WFS1: variants seen among roughly 807,000 people sequenced by gnomAD.
The protein encoded by WFS1 is wolframin.
Under a neutral mutation model 68.5 loss-of-function variants are expected in WFS1, and 90 were observed. The observed-to-expected ratio is 1.31, with a 90% confidence interval of 1.11 to 1.56. The LOEUF (loss-of-function observed/expected upper bound fraction) is 1.56. Ranked by LOEUF, WFS1 falls within the 40% of genes most tolerant of loss-of-function variation. The pLI is 0.00. For missense variants in WFS1, 1,767 were observed against 1,232.6 expected (o/e 1.43, Z -6.49); for synonymous variants, 860 against 540.7 (o/e 1.59, Z -8.19).
chr4:6,301,261 T>A lies in WFS1; in HGVS notation c.1466T>A (p.Ile489Asn), dbSNP rs762510009. 1 of 1,611,328 alleles carries A rather than the reference T, an allele frequency of 6.2e-7. No homozygotes were observed. Among genetic ancestry groups the A allele is most frequent in the Non-Finnish European group, 8.5e-7 (1 of 1,180,008 alleles). Residue 489 changes from isoleucine to asparagine, a missense_variant, in exon 8 of 8, where the codon ATC becomes AAC. Physicochemically the swap from Ile to Asn is moderately radical, Grantham distance 149. Transcript: ENST00000226760. Reference sequence around the variant, plus strand: ...CTGAAGGTCCTTGGCCAGACCTTCATCACCGTGCCTGTCGGCCACCTGGTC... The same window carrying A: ...CTGAAGGTCCTTGGCCAGACCTTCAACACCGTGCCTGTCGGCCACCTGGTC... ...PYLKVLGQTF[I>N]TVPVGHLVVL... is the part of the protein sequence containing the mutation.
Position 6,302,028 on chromosome 4 carries a change from G to A in WFS1, c.2233G>A (p.Gly745Ser), listed in dbSNP as rs139185707. 1.3e-4 allele frequency: 216 copies of A among 1,612,790 alleles called. 1 individual carries two copies. The African/African-American group carries it at 2.6e-3, about 19-fold the overall frequency. Residue 745 changes from glycine to serine, a missense_variant, in exon 8 of 8, where the codon GGC (glycine) becomes AGC (serine). By Grantham distance (56) the Gly-to-Ser change is moderately conservative. Transcript: ENST00000226760. ...CGAGGCCTACCCTGCCTGCAGCCCT[G>A]GCAACACCTCCACGGCCGAGGAGGA... Reference protein sequence around the residue: ...YGEAYPACSPGNTSTAEEELC... With the variant: ...YGEAYPACSPSNTSTAEEELC...
Position 6,302,370 on chromosome 4 carries a change from C to T in WFS1, c.2575C>T (p.Arg859Trp), listed in dbSNP as rs372298367. 37 of 1,612,998 alleles carry T rather than the reference C, an allele frequency of 2.3e-5. No homozygotes were observed. Among genetic ancestry groups the T allele is most frequent in the South Asian group, 1.2e-4 (11 of 91,090 alleles). Residue 859 changes from arginine (R) to tryptophan (W), a missense_variant, in exon 8 of 8, where the codon CGG becomes TGG. Transcript: ENST00000226760. Reference sequence around the variant, plus strand: ...CATGGCCCAGCTCTCACCCACCAGGCGGCACGTGAAGATCGAGCACGACTG... The same window carrying T: ...CATGGCCCAGCTCTCACCCACCAGGTGGCACGTGAAGATCGAGCACGACTG... ...NCMAQLSPTR[R>W]HVKIEHDWRS...
intron 7 of WFS1, among the ~76,000 whole-genome samples, chr4:6,296,363 G>C (rs997449567): frequency 3.3e-5 from 5 of 152,248 alleles, no homozygotes; most frequent in Non-Finnish European, 7.3e-5. Context: ...GTCCTTTAGG[G>C]TGGCAGGTGG....
At chr4:6,276,565 C>T (rs1729999975) in intron 1 of WFS1, among the ~76,000 whole-genome samples, 1 of 152,168 alleles carries the variant, frequency 6.6e-6, no homozygotes, top group Non-Finnish European at 1.5e-5. Context: ...AGCGGCAGAT[C>T]TGGGTATGAA....
intron 2 of WFS1, among the ~76,000 whole-genome samples, chr4:6,278,701 C>T (rs1730067350): frequency 6.6e-6 from 1 of 152,248 alleles, no homozygotes; most frequent in Non-Finnish European, 1.5e-5. Flanking sequence ...CTGAGGCTCC[C>T]ATGTACCACT....
Position 6,301,458 on chromosome 4 carries a change from G to A in WFS1, c.1663G>A (p.Gly555Arg), listed in dbSNP as rs756818673. The A allele has an allele frequency of 6.2e-7, 1 of 1,612,634 alleles. No individual in the cohort carries two copies. Among genetic ancestry groups the A allele is most frequent in the Non-Finnish European group, 8.5e-7 (1 of 1,180,028 alleles). ...CATCCTGCTGGAGTCCACCGGCCTG[G>A]GGCTGCTCCGCGCCTCCATCGGCTA... The part of the protein sequence containing the change: ...VVILLESTGL[G>R]LLRASIGYFL... The change falls in exon 8 of 8, where the codon GGG (glycine) becomes AGG (arginine). Residue 555 changes from glycine (G) to arginine (R), a missense_variant. Physicochemically the swap from Gly to Arg is moderately radical, Grantham distance 125. Transcript: ENST00000226760.
chr4:6,272,386 C>G (rs976588707), intron 1 of WFS1, among the ~76,000 whole-genome samples: 8 of 152,228 alleles, frequency 5.3e-5, no homozygotes, highest in Non-Finnish European at 7.3e-5. Context: ...TCAAACCCCT[C>G]TGTTCCTGTG....
rs1730930342 is a variant in WFS1 at position 6,301,742 on chromosome 4, CTA to C, written c.1949_1950del (p.Tyr650CysfsTer61). ...CGGCCATCGTGCTGTTCTGCTGGTT[CTA>C]TGTGTACCGCTCAGAGGGCATGAAG... is the stretch of plus-strand genomic sequence containing the variant. ...LTAIVLFCWF[Y>X]VYRSEGMKVY... On this transcript the variant is annotated frameshift_variant, in exon 8 of 8. Transcript: ENST00000226760. LOFTEE classifies it high-confidence loss of function. 6 of 1,613,960 alleles carry C rather than the reference CTA, an allele frequency of 3.7e-6. No homozygotes were observed. Among genetic ancestry groups the C allele is most frequent in the East Asian group, 2.2e-5 (1 of 44,878 alleles).
At chr4:6,299,113 C>A in intron 7 of WFS1, among the ~76,000 whole-genome samples, 1 of 152,232 alleles carries the variant, frequency 6.6e-6, no homozygotes, top group East Asian at 1.9e-4. Context: ...GCACCATGGC[C>A]ACTTTGTCCC....
intron 2 of WFS1, among the ~76,000 whole-genome samples, chr4:6,280,666 A>G (rs1079215): frequency 0.71 from 107,767 of 152,094 alleles, 38,724 homozygotes; most frequent in East Asian, 1. Context: ...CAGGCTGGGC[A>G]TGCTGTGGCT....
chr4:6,292,003 T>G lies in WFS1; in HGVS notation c.712+6T>G. The G allele has an allele frequency of 6.2e-7, 1 of 1,602,262 alleles. No homozygotes were observed. The highest frequency in any genetic ancestry group is 8.5e-7 in the Non-Finnish European group (1 of 1,175,762). On this transcript the variant is annotated splice_donor_region_variant and intron_variant, in intron 6 of 7. Transcript: ENST00000226760. ...GCGCCTGGTCAGCAGCGAGTGTGAG[T>G]GCAGCCCCTGCCCCGTCTCACCCAT...
chr4:6,300,884 G>C lies in WFS1; in HGVS notation c.1089G>C (p.Lys363Asn). The change falls in exon 8 of 8, where the codon AAG becomes AAC. Residue 363 changes from lysine (K) to asparagine (N), a missense_variant. Coordinates refer to ENST00000226760, the MANE Select transcript of WFS1 (RefSeq NM_006005.3). ...SFISMVICTLKVFQDSKAWEN... is the reference protein window; with the variant it reads ...SFISMVICTLNVFQDSKAWEN... ...TCTCCATGGTGATCTGCACCCTCAAGGTGTTCCAGGACAGCAAGGCCTGGG... is the reference window on the plus strand; with the variant it reads ...TCTCCATGGTGATCTGCACCCTCAACGTGTTCCAGGACAGCAAGGCCTGGG... The C allele has an allele frequency of 6.2e-7, 1 of 1,614,100 alleles. No individual in the cohort carries two copies. The highest frequency in any genetic ancestry group is 8.5e-7 in the Non-Finnish European group (1 of 1,180,018).
intron 3 of WFS1, among the ~76,000 whole-genome samples, chr4:6,288,117 T>G (rs1277365424): frequency 1.3e-5 from 2 of 150,472 alleles, no homozygotes; most frequent in Admixed American, 6.7e-5. Context: ...CTTGGGAGGC[T>G]GAGACAGGAA....
chr4:6,301,255 C>A lies in WFS1; in HGVS notation c.1460C>A (p.Thr487Asn). ...CCCTACCTGAAGGTCCTTGGCCAGA[C>A]CTTCATCACCGTGCCTGTCGGCCAC... ...NWPYLKVLGQ[T>N]FITVPVGHLV... The change falls in exon 8 of 8, where the codon ACC becomes AAC. Residue 487 changes from threonine (T) to asparagine (N), a missense_variant. Physicochemically the swap from Thr to Asn is moderately conservative, Grantham distance 65. Coordinates refer to ENST00000226760, the MANE Select transcript of WFS1 (RefSeq NM_006005.3). 6.2e-7 allele frequency: 1 copy of A among 1,611,442 alleles called. No individual in the cohort carries two copies. Among genetic ancestry groups the A allele is most frequent in the Non-Finnish European group, 8.5e-7 (1 of 1,180,026 alleles).
intron 7 of WFS1, among the ~76,000 whole-genome samples, chr4:6,295,647 G>A (rs1309065825): frequency 6.6e-6 from 1 of 152,230 alleles, no homozygotes; most frequent in African/African-American, 2.4e-5. Context: ...TACTGCCCCT[G>A]GATCTGCAAG....
At chr4:6,279,901 C>T (rs1173492609) in intron 2 of WFS1, among the ~76,000 whole-genome samples, 1 of 152,250 alleles carries the variant, frequency 6.6e-6, no homozygotes, top group African/African-American at 2.4e-5. Context: ...ACCCCCTTTT[C>T]AGCCCTTCAT....
rs71530914 is a variant in WFS1, at chr4:6,288,991, G to A, written c.320G>A (p.Gly107Glu). ...AGDPKAQTEV[G>E]KHYLQLAGDT... ...TGACTGGTGTCTGGCTTGCAGGTGGGGAAGCACTACCTGCAGTTGGCCGGC... is the reference window on the plus strand; with the variant it reads ...TGACTGGTGTCTGGCTTGCAGGTGGAGAAGCACTACCTGCAGTTGGCCGGC... The change falls in exon 4 of 8, where the codon GGG (glycine) becomes GAG (glutamate). Residue 107 changes from glycine to glutamate, a missense_variant. Gly to Glu is a moderately conservative substitution (Grantham distance 98). Transcript: ENST00000226760. 6.2e-7 allele frequency: 1 copy of A among 1,608,562 alleles called. No homozygotes were observed. Among genetic ancestry groups the A allele is most frequent in the Middle Eastern group, 1.7e-4 (1 of 6,044 alleles).
chr4:6,300,165 C>T (rs1730824072), intron 7 of WFS1, among the ~76,000 whole-genome samples: 1 of 152,126 alleles, frequency 6.6e-6, no homozygotes, highest in African/African-American at 2.4e-5. Flanking sequence ...CCGGGGACTG[C>T]CTGCGGCTTC....
chr4:6,301,658 G>A lies in WFS1; in HGVS notation c.1863G>A (p.Val621=), dbSNP rs779337227. Residue 621 remains valine, a synonymous_variant, in exon 8 of 8, where the codon GTG becomes GTA. Transcript: ENST00000226760. The part of the protein sequence containing the change: ...RWWTKASFSV[V]GMVKSLTRSS... ...GGACCAAGGCCAGCTTCTCTGTGGTGGGGATGGTGAAGTCCCTGACGCGGA... is the reference window on the plus strand; with the variant it reads ...GGACCAAGGCCAGCTTCTCTGTGGTAGGGATGGTGAAGTCCCTGACGCGGA... 1.2e-6 allele frequency: 2 copies of A among 1,614,058 alleles called. No homozygotes were observed. The highest frequency in any genetic ancestry group is 1.3e-5 in the African/African-American group (1 of 75,078).
Sources: gnomAD v4.1 joint callset for allele counts (sites outside exome capture counted in the v4.1 genomes callset) on GRCh38, gnomAD v4.1.1 for gene constraint, MANE v1.5 for transcripts, NCBI Gene and HGNC (gene_info 2026-07-23, HGNC 2026-07-21) for gene names.